The following AKAP9 variants were observed in gnomAD, a reference collection of about 807,000 sequenced individuals.
AKAP9 encodes the protein A-kinase anchor protein 9.
A neutral mutation model predicts 488.5 loss-of-function variants in AKAP9; 311 were observed. The ratio of observed to expected loss-of-function variants is 0.64; its 90% CI spans 0.58 to 0.70. The LOEUF is 0.70. AKAP9 is among the 30% of genes least tolerant of loss of function. AKAP9 has a pLI of 0.00. For missense variants in AKAP9, 4,215 were observed against 4,374.5 expected (o/e 0.96, Z 1.03); for synonymous variants, 1,462 against 1,483.5 (o/e 0.99, Z 0.33).
At chr7:91,972,031 C>G (rs1418253688) in intron 1 of AKAP9, among the ~76,000 whole-genome samples, 1 of 119,718 alleles carries the variant, frequency 8.4e-6, no homozygotes, top group African/African-American at 3.2e-5. Context: ...TGTTTCAGTA[C>G]TACATAATAT....
rs761179025 is a variant in AKAP9, at chr7:92,086,371, T to C, written c.9168T>C (p.Asp3056=). Residue 3056 remains aspartate, a synonymous_variant, in exon 37 of 50, where the codon GAT becomes GAC. Coordinates refer to ENST00000356239, the MANE Select transcript of AKAP9 (RefSeq NM_005751.5). The part of the protein sequence containing the change: ...RTELTALGTT[D]AVGLLNCLEQ... ...AGCTGACAGCTCTAGGTACTACAGATGCAGTTGGTTTACTAAACTGTTTGG... is the reference window on the plus strand; with the variant it reads ...AGCTGACAGCTCTAGGTACTACAGACGCAGTTGGTTTACTAAACTGTTTGG... The C allele has an allele frequency of 6.2e-7, 1 of 1,614,062 alleles. No individual in the cohort carries two copies. The highest frequency in any genetic ancestry group is 8.5e-7 in the Non-Finnish European group (1 of 1,179,974).
chr7:92,080,290 A>G, intron 31 of AKAP9, 138 bp downstream of exon 31: 1 of 795,930 alleles, frequency 1.3e-6, no homozygotes. Flanking sequence ...ACTTATAAAA[A>G]ATAAACTCTT....
intron 27 of AKAP9, among the ~76,000 whole-genome samples, chr7:92,070,583 C>T (rs1811554758): frequency 6.6e-6 from 1 of 151,796 alleles, no homozygotes; most frequent in South Asian, 2.1e-4. Flanking sequence ...TATAGGCATG[C>T]GCCACCACAA....
chr7:91,997,895 G>C (rs928568511), intron 7 of AKAP9, among the ~76,000 whole-genome samples: 5 of 152,120 alleles, frequency 3.3e-5, no homozygotes, highest in African/African-American at 1.2e-4. Context: ...ATCCCCCCAA[G>C]TAATAATTCT....
chr7:92,009,323 A>G (rs1800372769), intron 8 of AKAP9, among the ~76,000 whole-genome samples: 1 of 152,240 alleles, frequency 6.6e-6, no homozygotes, highest in Admixed American at 6.5e-5. Flanking sequence ...AAAAGTCATA[A>G]AAGAATACTA....
intron 22 of AKAP9, among the ~76,000 whole-genome samples, chr7:92,060,150 G>T (rs1319574832): frequency 2.0e-5 from 3 of 151,890 alleles, no homozygotes; most frequent in African/African-American, 7.2e-5. Context: ...GTGAAAAGTG[G>T]AAGTCTTTAA....
chr7:92,101,053 A>T lies in AKAP9; in HGVS notation c.11094A>T (p.Leu3698Phe). Residue 3698 changes from leucine to phenylalanine, a missense_variant, in exon 45 of 50, where the codon TTA (leucine) becomes TTT (phenylalanine). Leu to Phe is a conservative substitution (Grantham distance 22). Around this residue, in one of 5 missense-constraint regions of AKAP9, gnomAD observed 253 missense variants for 266.8 expected, o/e 0.95. Coordinates refer to ENST00000356239, the MANE Select transcript of AKAP9 (RefSeq NM_005751.5). ...TLSPDSEHVTLKRIYGKYLRA... is the reference protein window; with the variant it reads ...TLSPDSEHVTFKRIYGKYLRA... ...GCCCTGATTCTGAACATGTCACTTT[A>T]AAGGTAGGAGACATCTCCCATCTAA... 1 of 1,613,036 alleles carries T rather than the reference A, an allele frequency of 6.2e-7. No homozygotes were observed. Among genetic ancestry groups the T allele is most frequent in the Non-Finnish European group, 8.5e-7 (1 of 1,179,874 alleles).
chr7:92,003,054 C>A lies in AKAP9; in HGVS notation c.3137C>A (p.Ser1046Ter). The part of the protein sequence containing the change: ...SKVNKSFGEE[S>*]KIMVEDKVSF... ...GTAAATAAAAGTTTTGGTGAAGAAT[C>A]AAAAATAATGGTGGAAGATAAAGTT... Residue 1046 changes from serine (S) to a stop codon, truncating the protein, a stop_gained, in exon 8 of 50, where the codon TCA (serine) becomes TAA (stop). Transcript: ENST00000356239. LOFTEE classifies it high-confidence loss of function. The A allele has an allele frequency of 1.2e-6, 2 of 1,612,966 alleles. No individual in the cohort carries two copies. The highest frequency in any genetic ancestry group is 1.7e-6 in the Non-Finnish European group (2 of 1,179,500).
In AKAP9 at chr7:91,943,213, C is replaced by CA. The variant is rs546278330; in HGVS notation, c.48+2075dup. Among the ~76,000 whole-genome samples, 448 of 148,048 alleles carry CA rather than the reference C, an allele frequency of 3.0e-3. 2 individuals are homozygous for CA. Among genetic ancestry groups the CA allele is most frequent in the African/African-American group, 4.6e-3 (185 of 40,180 alleles). ...GATCCTGTTTCAGAAAACAAACAAA[C>CA]AAAAAAAAACCCCTGGAAATAACTT... On this transcript the variant is annotated intron_variant, in intron 1 of 49. Transcript: ENST00000356239.
intron 1 of AKAP9, among the ~76,000 whole-genome samples, chr7:91,969,276 G>C (rs1169213440): frequency 6.6e-6 from 1 of 152,068 alleles, no homozygotes; most frequent in Non-Finnish European, 1.5e-5. Flanking sequence ...GGTCAGAAAC[G>C]ATACTTGATA....
intron 16 of AKAP9, among the ~76,000 whole-genome samples, chr7:92,033,674 G>A (rs977253789): frequency 6.6e-6 from 1 of 152,094 alleles, no homozygotes; most frequent in Non-Finnish European, 1.5e-5. Flanking sequence ...CTGATCTCAA[G>A]CAATCTACTC....
chr7:92,041,783 A>G (rs1806154455), intron 18 of AKAP9: 1 of 354,880 alleles, frequency 2.8e-6, no homozygotes, highest in East Asian at 5.4e-5. Context: ...TGTGAATTCA[A>G]ACTTCTTAAT....
chr7:92,093,116 A>G lies in AKAP9; in HGVS notation c.9378A>G (p.Ile3126Met). The G allele has an allele frequency of 1.2e-6, 2 of 1,612,544 alleles. No individual in the cohort carries two copies. Among genetic ancestry groups the G allele is most frequent in the Non-Finnish European group, 1.7e-6 (2 of 1,179,332 alleles). Reference sequence around the variant, plus strand: ...GTGTAGAACTCTTGGAATATAATATACAGCAGAAGCAGTCTCAAATGCTGG... The same window carrying G: ...GTGTAGAACTCTTGGAATATAATATGCAGCAGAAGCAGTCTCAAATGCTGG... Reference protein sequence around the residue: ...KPSQELLEYNIQQKQSQMLEM... With the variant: ...KPSQELLEYNMQQKQSQMLEM... Residue 3126 changes from isoleucine to methionine, a missense_variant, in exon 39 of 50, where the codon ATA (isoleucine) becomes ATG (methionine). This residue lies in a region of AKAP9 where 1,476 missense variants were observed against 1,477.4 expected (regional missense o/e 1.00). Transcript: ENST00000356239.
rs1813205246 is a variant in AKAP9, at chr7:92,079,733, G to A, written c.7600G>A (p.Glu2534Lys). ...GCAAGAACAAGGCCAGTTTGAAACAGAAATGCTTCAAAAGAAGATTGTAAA... is the reference window on the plus strand; with the variant it reads ...GCAAGAACAAGGCCAGTTTGAAACAAAAATGCTTCAAAAGAAGATTGTAAA... Reference protein sequence around the residue: ...DMQEQGQFETEMLQKKIVNLQ... With the variant: ...DMQEQGQFETKMLQKKIVNLQ... Residue 2534 changes from glutamate (E) to lysine (K), a missense_variant, in exon 31 of 50, where the codon GAA becomes AAA. Glu to Lys is a moderately conservative substitution (Grantham distance 56, BLOSUM62 1). This residue lies in a region of AKAP9 where 1,476 missense variants were observed against 1,477.4 expected (regional missense o/e 1.00). Coordinates refer to ENST00000356239, the MANE Select transcript of AKAP9 (RefSeq NM_005751.5). 6.2e-7 allele frequency: 1 copy of A among 1,613,944 alleles called. No individual in the cohort carries two copies. The highest frequency in any genetic ancestry group is 1.3e-5 in the African/African-American group (1 of 74,932).
rs376283307 is a variant in AKAP9, at chr7:91,972,907, GT to G, written c.49-796del. Among the ~76,000 whole-genome samples, 641 of 152,064 alleles carry G rather than the reference GT, an allele frequency of 4.2e-3. 4 individuals are homozygous for G. The highest frequency in any genetic ancestry group is 0.034 in the Middle Eastern group (10 of 294). On this transcript the variant is annotated intron_variant, in intron 1 of 49. Coordinates refer to ENST00000356239, the MANE Select transcript of AKAP9 (RefSeq NM_005751.5). The stretch of plus-strand genomic sequence containing the variant: ...CTGTTTGATATTTAAGTTATTTCCA[GT>G]TTTTTTTCCCATTATGAATAAGGCT...
chr7:92,079,032 G>A, intron 30 of AKAP9, 47 bp from the exon 31 acceptor site: 2 of 1,341,988 alleles, frequency 1.5e-6, no homozygotes, highest in South Asian at 2.8e-5. Context: ...TTTTCAAAAT[G>A]TAAATACATA....
rs2130422060 is a variant in AKAP9, at chr7:91,940,986, A to C, written c.-114A>C. The C allele has an allele frequency of 8.9e-7, 1 of 1,124,846 alleles. No individual in the cohort carries two copies. Among genetic ancestry groups the C allele is most frequent in the African/African-American group, 1.5e-5 (1 of 65,368 alleles). 69.7% of individuals were successfully genotyped at this position (1,124,846 alleles called of 1,614,324 possible). ...TTCGGGCGGGGGAGCGCCGGACCGA[A>C]TCGGCTCTCTAGGCCGTGGAGCTTG... On this transcript the variant is annotated 5_prime_UTR_variant, in exon 1 of 50. Transcript: ENST00000356239.
At chr7:92,068,479 G>A (rs1481978220) in intron 26 of AKAP9, among the ~76,000 whole-genome samples, 1 of 151,006 alleles carries the variant, frequency 6.6e-6, no homozygotes, top group African/African-American at 2.4e-5. Context: ...GTACTTCAAA[G>A]AATATTTAAG....
At chr7:92,076,417 A>G (rs938832393) in intron 28 of AKAP9, among the ~76,000 whole-genome samples, 6 of 152,246 alleles carry the variant, frequency 3.9e-5, no homozygotes, top group African/African-American at 1.4e-4. Context: ...TAAGTTAATT[A>G]GATATTTTTG....
Sources: gnomAD v4.1 joint callset for allele counts (sites outside exome capture counted in the v4.1 genomes callset) on GRCh38, gnomAD v4.1.1 for gene constraint, gnomAD v4.1.1 regional missense constraint, MANE v1.5 for transcripts, NCBI Gene and HGNC (gene_info 2026-07-23, HGNC 2026-07-21) for gene names.